Variants in GAB1 observed in about 807,000 individuals in gnomAD.
The protein encoded by GAB1 is GRB2 associated binding protein 1, also known as GRB2-associated-binding protein 1.
GAB1 carries 19 observed loss-of-function variants against 66.5 expected under a neutral mutation model. The ratio of observed to expected loss-of-function variants is 0.29; its 90% CI spans 0.20 to 0.42. The LOEUF (loss-of-function observed/expected upper bound fraction) is 0.42. Among genes scored for constraint, GAB1 ranks in the 10% least tolerant of loss-of-function variants. GAB1 has a pLI of 1.00. For synonymous variants in GAB1, 294 were observed against 301.4 expected, an observed-to-expected ratio of 0.98 and a Z score of 0.25; for missense variants, 732 against 858.5, an observed-to-expected ratio of 0.85 and a Z score of 1.84.
In GAB1 at chr4:143,440,349, C is replaced by A. The variant is rs1265249207; in HGVS notation, c.1552C>A (p.Pro518Thr). The stretch of plus-strand genomic sequence containing the variant: ...TCCTGTTGCAGACTGTGAACCACCC[C>A]CCGTGGATAGGAACCTCAAGCCAGA... The part of the protein sequence containing the change: ...PVPVADCEPP[P>T]VDRNLKPDRK... The change falls in exon 6 of 10, where the codon CCC becomes ACC. Residue 518 changes from proline (P) to threonine (T), a missense_variant. Around this residue, in one of 4 missense-constraint regions of GAB1, gnomAD observed 204 missense variants for 276.8 expected, o/e 0.74. Coordinates refer to ENST00000262994, the MANE Select transcript of GAB1 (RefSeq NM_002039.4). The A allele has an allele frequency of 2.5e-6, 4 of 1,613,212 alleles. No individual in the cohort carries two copies. The highest frequency in any genetic ancestry group is 2.2e-5 in the East Asian group (1 of 44,872).
chr4:143,429,460 A>C (rs1733538320), intron 2 of GAB1, among the ~76,000 whole-genome samples: 1 of 152,200 alleles, frequency 6.6e-6, no homozygotes, highest in Non-Finnish European at 1.5e-5. Flanking sequence ...AAGGAGTCTC[A>C]GATAGGACTT....
chr4:143,414,931 A>C (rs987167604), intron 1 of GAB1, among the ~76,000 whole-genome samples: 2 of 152,016 alleles, frequency 1.3e-5, no homozygotes, highest in Admixed American at 6.6e-5. Context: ...ATCTTCTTCA[A>C]CTCAAACTCT....
chr4:143,449,289 G>T (rs1734758785), intron 6 of GAB1, among the ~76,000 whole-genome samples: 2 of 151,846 alleles, frequency 1.3e-5, no homozygotes, highest in Non-Finnish European at 2.9e-5. Flanking sequence ...GGAGAGTTCT[G>T]TAGATGTCTA....
chr4:143,386,308 T>C (rs562614380), intron 1 of GAB1, among the ~76,000 whole-genome samples: 31 of 152,300 alleles, frequency 2.0e-4, no homozygotes, highest in African/African-American at 5.8e-4. Flanking sequence ...TGAGATACCT[T>C]GGAGAAGAGA....
chr4:143,461,698 G>A (rs1295626004), intron 8 of GAB1, among the ~76,000 whole-genome samples: 1 of 152,052 alleles, frequency 6.6e-6, no homozygotes, highest in African/African-American at 2.4e-5. Flanking sequence ...AGGTATTGAG[G>A]GACAATCAGA....
At chr4:143,439,711 G>A in intron 4 of GAB1, 91 bp from the exon 5 acceptor site, 1 of 820,850 alleles carries the variant, frequency 1.2e-6, no homozygotes, top group Non-Finnish European at 2.1e-6. Flanking sequence ...GTATGCATAT[G>A]TATAATGAGA....
intron 2 of GAB1, among the ~76,000 whole-genome samples, chr4:143,418,390 G>A (rs913413152): frequency 1.3e-5 from 2 of 152,158 alleles, no homozygotes; most frequent in African/African-American, 4.8e-5. Flanking sequence ...GAGGGTTTCA[G>A]AGTTAAAATT....
intron 1 of GAB1, among the ~76,000 whole-genome samples, chr4:143,413,078 G>A (rs994756308): frequency 4.6e-5 from 7 of 152,114 alleles, no homozygotes; most frequent in African/African-American, 1.4e-4. Flanking sequence ...AAAGATTTGC[G>A]TGCAAGACAA....
chr4:143,439,654 A>C, intron 4 of GAB1, 148 bp from the exon 5 acceptor site: 1 of 606,244 alleles, frequency 1.6e-6, no homozygotes, highest in South Asian at 2.1e-5. Flanking sequence ...AATTCAAGAC[A>C]CAGTTCTATG....
chr4:143,454,783 A>C (rs548072264), intron 6 of GAB1, among the ~76,000 whole-genome samples: 21 of 152,148 alleles, frequency 1.4e-4, no homozygotes, highest in Middle Eastern at 3.4e-3. Flanking sequence ...ACTTTCACAC[A>C]CCTTTCTCAC....
intron 2 of GAB1, among the ~76,000 whole-genome samples, chr4:143,428,201 A>G (rs1211782920): frequency 1.3e-5 from 2 of 152,200 alleles, no homozygotes; most frequent in Non-Finnish European, 2.9e-5. Context: ...TTTAACTTCC[A>G]TTATTGTCTG....
intron 1 of GAB1, among the ~76,000 whole-genome samples, chr4:143,359,402 C>T (rs1729573626): frequency 6.6e-6 from 1 of 152,136 alleles, no homozygotes; most frequent in Non-Finnish European, 1.5e-5. Flanking sequence ...TCTGTCTTTA[C>T]CCAATATGAA....
chr4:143,346,709 C>G (rs1262282702), intron 1 of GAB1, among the ~76,000 whole-genome samples: 2 of 152,118 alleles, frequency 1.3e-5, no homozygotes, highest in Admixed American at 1.3e-4. Context: ...GGATTATTTA[C>G]TTTACATGTT....
intron 1 of GAB1, chr4:143,350,039 C>A: frequency 1.3e-6 from 2 of 1,550,290 alleles, no homozygotes; most frequent in Non-Finnish European, 8.7e-7. Flanking sequence ...CCGAAACCTC[C>A]GCGGAAGCCA....
chr4:143,362,541 C>G (rs1398198097), intron 1 of GAB1, among the ~76,000 whole-genome samples: 2 of 152,142 alleles, frequency 1.3e-5, no homozygotes, highest in Admixed American at 6.5e-5. Flanking sequence ...GGGCAATTCC[C>G]AGAACTGACA....
intron 6 of GAB1, among the ~76,000 whole-genome samples, chr4:143,458,515 T>C (rs929056521): frequency 6.6e-6 from 1 of 152,160 alleles, no homozygotes; most frequent in Non-Finnish European, 1.5e-5. Flanking sequence ...CTAACATGTT[T>C]AGGTAGTCTC....
rs756862463 is a variant in GAB1, at chr4:143,415,688, A to T, written c.284A>T (p.Tyr95Phe). The change falls in exon 2 of 10, where the codon TAC becomes TTC. Residue 95 changes from tyrosine (Y) to phenylalanine (F), a missense_variant. By Grantham distance (22) the Tyr-to-Phe change is conservative. Coordinates refer to ENST00000262994, the MANE Select transcript of GAB1 (RefSeq NM_002039.4). ...FDINTIDRIF[Y>F]LVADSEEEMN... is the part of the protein sequence containing the mutation. The stretch of plus-strand genomic sequence containing the variant: ...ATCAACACTATTGACCGGATTTTCT[A>T]CTTGGTAGCAGACAGCGAGGAGGAG... The T allele has an allele frequency of 3.1e-6, 5 of 1,613,934 alleles. No homozygotes were observed. The Admixed American group carries it at 5.0e-5, about 16-fold the overall frequency.
intron 1 of GAB1, chr4:143,349,792 G>T: frequency 1.3e-6 from 2 of 1,589,752 alleles, no homozygotes; most frequent in Non-Finnish European, 1.7e-6. Context: ...CTTGAACCTC[G>T]TGCGCTGGCC....
chr4:143,450,419 A>T (rs1035099915), intron 6 of GAB1, among the ~76,000 whole-genome samples: 1 of 152,248 alleles, frequency 6.6e-6, no homozygotes, highest in African/African-American at 2.4e-5. Context: ...AATAATACAG[A>T]AAATAAAATG....
Sources: allele counts gnomAD v4.1 joint callset (sites outside exome capture counted in the v4.1 genomes callset), GRCh38; gene constraint gnomAD v4.1.1; regional missense constraint gnomAD v4.1.1; transcripts MANE v1.5; gene names NCBI Gene and HGNC (gene_info 2026-07-23, HGNC 2026-07-21).